Variants in PARD3B observed in about 807,000 individuals in gnomAD.
PARD3B encodes par-3 family cell polarity regulator beta, also known as partitioning defective 3 homolog B.
Under a neutral mutation model 130.2 loss-of-function variants are expected in PARD3B, and 103 were observed. That is an observed-to-expected ratio of 0.79 (90% CI 0.67 to 0.93). The LOEUF is 0.93. PARD3B is among the 40% of genes least tolerant of loss of function. The probability of loss-of-function intolerance (pLI) is 0.00; values close to 1 mark genes in which losing one functional copy is unlikely to be tolerated. For missense variants in PARD3B, 1,609 were observed against 1,499.2 expected (o/e 1.07, Z -1.21); for synonymous variants, 583 against 553.2 (o/e 1.05, Z -0.76).
intron 3 of PARD3B, among the ~76,000 whole-genome samples, chr2:205,009,088 A>G (rs1471931196): frequency 1.3e-5 from 2 of 152,226 alleles, no homozygotes; most frequent in Non-Finnish European, 2.9e-5. Flanking sequence ...AAGCAAATTA[A>G]ACAAATTTAT....
rs1466182250 is a variant in PARD3B at position 204,689,183 on chromosome 2, T to A, written c.222+2901T>A. The stretch of plus-strand genomic sequence containing the variant: ...TCAGCCAGTGTTCTTAAGAAATGAC[T>A]TTTAAAACTTGTGCCTAAAGTGGTT... On this transcript the variant is annotated intron_variant, in intron 2 of 22. Transcript: ENST00000406610. The surrounding 1 kb of genome is among the most constrained non-coding windows in gnomAD (Gnocchi z 5.2). Among the ~76,000 whole-genome samples the A allele has an allele frequency of 6.6e-6, 1 of 152,176 alleles. No homozygotes were observed.
At chr2:204,972,576 T>C (rs1402948323) in intron 3 of PARD3B, among the ~76,000 whole-genome samples, 1 of 152,228 alleles carries the variant, frequency 6.6e-6, no homozygotes, top group East Asian at 1.9e-4. Context: ...ACTAAGTTGG[T>C]TGTACTCAAA....
intron 2 of PARD3B, among the ~76,000 whole-genome samples, chr2:204,813,311 G>A (rs2043029334): frequency 6.6e-6 from 1 of 151,726 alleles, no homozygotes; most frequent in African/African-American, 2.4e-5. Context: ...GTACTTCTTT[G>A]CCATTTGTAT....
intron 3 of PARD3B, among the ~76,000 whole-genome samples, chr2:204,966,823 A>G (rs575424912): frequency 6.6e-6 from 1 of 152,304 alleles, no homozygotes; most frequent in African/African-American, 2.4e-5. Context: ...AGAGAAAACA[A>G]TATTTATTAC....
chr2:205,099,732 C>T (rs1013517117), intron 4 of PARD3B, among the ~76,000 whole-genome samples: 2 of 152,098 alleles, frequency 1.3e-5, no homozygotes, highest in African/African-American at 4.8e-5. Flanking sequence ...CATCTGTCTG[C>T]CTGCCCCATC....
At chr2:204,600,348 G>T (rs1057206299) in intron 1 of PARD3B, among the ~76,000 whole-genome samples, 1 of 151,668 alleles carries the variant, frequency 6.6e-6, no homozygotes, top group Non-Finnish European at 1.5e-5. Flanking sequence ...GTTGATTTTT[G>T]TATAGAGAGA....
At chr2:204,720,567 T>A (rs772541814) in intron 2 of PARD3B, among the ~76,000 whole-genome samples, 3 of 152,060 alleles carry the variant, frequency 2.0e-5, no homozygotes, top group Admixed American at 1.3e-4. Flanking sequence ...AAAGAAAGGA[T>A]AAATTGATGT....
intron 2 of PARD3B, among the ~76,000 whole-genome samples, chr2:204,742,648 T>C (rs2040057269): frequency 6.6e-6 from 1 of 152,244 alleles, no homozygotes; most frequent in Non-Finnish European, 1.5e-5. Context: ...TTCTCATTGA[T>C]ACCTTTGCCT....
rs555402991 is a variant in PARD3B, at chr2:205,562,220, C to T, written c.3260+8817C>T. ...TTAATCAAACTTTTCATCATTTCCT[C>T]GTAGCCAATATATCCTTGATGCCAG... On this transcript the variant is annotated intron_variant, in intron 22 of 22. Coordinates refer to ENST00000406610, the MANE Select transcript of PARD3B (RefSeq NM_001302769.2). The surrounding 1 kb of genome is among the most constrained non-coding windows in gnomAD (Gnocchi z 5.4). Among the ~76,000 whole-genome samples the T allele has an allele frequency of 2.0e-4, 31 of 152,126 alleles. No homozygotes were observed. The highest frequency in any genetic ancestry group is 3.2e-4 in the Non-Finnish European group (22 of 68,032).
chr2:205,052,178 A>G (rs1439108961), intron 4 of PARD3B, among the ~76,000 whole-genome samples: 1 of 151,946 alleles, frequency 6.6e-6, no homozygotes, highest in African/African-American at 2.4e-5. Context: ...TTTTCTTAAT[A>G]TCCGGTTAAC....
chr2:205,016,109 G>A lies in PARD3B; in HGVS notation c.395-31472G>A, dbSNP rs563923984. Among the ~76,000 whole-genome samples, 33 of 152,060 alleles carry A rather than the reference G, an allele frequency of 2.2e-4. 1 individual carries two copies. The highest frequency in any genetic ancestry group is 5.5e-4 in the African/African-American group (23 of 41,490). On this transcript the variant is annotated intron_variant, in intron 3 of 22. Coordinates refer to ENST00000406610, the MANE Select transcript of PARD3B (RefSeq NM_001302769.2). Reference sequence around the variant, plus strand: ...CACTATGACAATAATCTCTTCTTTCGTCTCTCTGCAATCTGTTTTCCACAA... The same window carrying A: ...CACTATGACAATAATCTCTTCTTTCATCTCTCTGCAATCTGTTTTCCACAA...
intron 21 of PARD3B, among the ~76,000 whole-genome samples, chr2:205,518,051 A>G (rs2050868161): frequency 6.6e-6 from 1 of 152,122 alleles, no homozygotes; most frequent in Non-Finnish European, 1.5e-5. Flanking sequence ...AGATGAATGT[A>G]TATTCTGTTG....
chr2:204,928,534 T>C (rs1241750797), intron 2 of PARD3B, among the ~76,000 whole-genome samples: 1 of 152,110 alleles, frequency 6.6e-6, no homozygotes, highest in East Asian at 1.9e-4. Context: ...ACTATCACAA[T>C]GTGACTTGGT....
At chr2:204,733,858 A>G (rs913303438) in intron 2 of PARD3B, among the ~76,000 whole-genome samples, 1 of 152,198 alleles carries the variant, frequency 6.6e-6, no homozygotes, top group African/African-American at 2.4e-5. Context: ...TTCACTTGAA[A>G]TGGATCATAG....
At position 205,163,024 on chromosome 2, in the gene PARD3B, A is replaced by C. The variant is rs533892252; in HGVS notation, c.1620+4117A>C. ...GCTTGTTTTGCTACCCTAAAGAATT[A>C]CTTTAAAAATGTATACATAACTAGA... On this transcript the variant is annotated intron_variant, in intron 11 of 22. Coordinates refer to ENST00000406610, the MANE Select transcript of PARD3B (RefSeq NM_001302769.2). Among the ~76,000 whole-genome samples, 15 of 152,328 alleles carry C rather than the reference A, an allele frequency of 9.8e-5. 1 individual carries two copies. Among genetic ancestry groups the C allele is most frequent in the African/African-American group, 3.4e-4 (14 of 41,590 alleles).
intron 1 of PARD3B, among the ~76,000 whole-genome samples, chr2:204,624,382 G>A (rs1042519900): frequency 1.3e-5 from 2 of 152,044 alleles, no homozygotes; most frequent in Admixed American, 6.6e-5. Flanking sequence ...ATGTAAAATG[G>A]TACAGGCTAC....
chr2:205,251,363 G>T (rs1250932440), intron 16 of PARD3B, among the ~76,000 whole-genome samples: 1 of 152,134 alleles, frequency 6.6e-6, no homozygotes, highest in Non-Finnish European at 1.5e-5. Context: ...ACACGTGCAG[G>T]TGTTGTGTAT....
intron 3 of PARD3B, among the ~76,000 whole-genome samples, chr2:204,976,384 A>T (rs973522150): frequency 2.6e-5 from 4 of 152,136 alleles, no homozygotes; most frequent in African/African-American, 7.2e-5. Flanking sequence ...CCTCACCTAT[A>T]AAACAAGGGT....
chr2:205,238,189 G>C (rs1324691007), intron 15 of PARD3B, among the ~76,000 whole-genome samples: 1 of 152,200 alleles, frequency 6.6e-6, no homozygotes, highest in African/African-American at 2.4e-5. Context: ...CAAATGCCCT[G>C]CTGAAGGTGT....
Sources: gnomAD v4.1 joint callset for allele counts (sites outside exome capture counted in the v4.1 genomes callset) on GRCh38, gnomAD v4.1.1 for gene constraint, Gnocchi (gnomAD v3.1) non-coding constraint, MANE v1.5 for transcripts, NCBI Gene and HGNC (gene_info 2026-07-23, HGNC 2026-07-21) for gene names.